KREMEN1: variants seen among roughly 807,000 people sequenced by gnomAD.
KREMEN1 encodes kremen protein 1.
KREMEN1 carries 30 observed loss-of-function variants against 46.5 expected under a neutral mutation model. The ratio of observed to expected loss-of-function variants is 0.65; its 90% CI spans 0.48 to 0.88. KREMEN1 has a LOEUF of 0.88. KREMEN1 is among the 40% of genes least tolerant of loss of function. KREMEN1 has a pLI of 0.00. For synonymous variants in KREMEN1, 214 were observed against 230.6 expected, an observed-to-expected ratio of 0.93 and a Z score of 0.65; for missense variants, 533 against 596.9, an observed-to-expected ratio of 0.89 and a Z score of 1.11.
downstream of KREMEN1, among the ~76,000 whole-genome samples, chr22:29,147,968 G>A (rs2145864711): frequency 6.6e-6 from 1 of 152,328 alleles, no homozygotes; most frequent in East Asian, 1.9e-4. Context: ...ATTATTACCT[G>A]CAGTATGTTT....
chr22:29,150,447 G>C (rs535121080), downstream of KREMEN1, among the ~76,000 whole-genome samples: 3 of 152,226 alleles, frequency 2.0e-5, no homozygotes, highest in Admixed American at 1.3e-4. Context: ...TAACCCCTCC[G>C]GGAGAAACAC....
chr22:29,086,057 C>G (rs1452490587), intron 1 of KREMEN1, among the ~76,000 whole-genome samples: 2 of 145,590 alleles, frequency 1.4e-5, no homozygotes, highest in Non-Finnish European at 3.0e-5. Flanking sequence ...ATAATTCTTA[C>G]TTCCATTAGA....
chr22:29,112,584 A>G lies in KREMEN1; in HGVS notation c.353-8773A>G, dbSNP rs16987108. Among the ~76,000 whole-genome samples the G allele has an allele frequency of 0.016, 2,506 of 152,314 alleles. 161 individuals carry two copies. The South Asian group carries it at 0.18, about 11-fold the overall frequency. ...GGACCTTCTCTCTTTAACTCCTCCA[A>G]AATTTTTATCTTCAACATCTGAATA... On this transcript the variant is annotated intron_variant, in intron 3 of 8. Coordinates refer to ENST00000400335, the MANE Select transcript of KREMEN1 (RefSeq NM_001039570.3).
chr22:29,082,285 G>A (rs1236372597), intron 1 of KREMEN1, among the ~76,000 whole-genome samples: 1 of 152,058 alleles, frequency 6.6e-6, no homozygotes, highest in Non-Finnish European at 1.5e-5. Flanking sequence ...TGGCACTCCT[G>A]GCCTCAAGTA....
rs150083067 is a variant in KREMEN1, at chr22:29,162,438, C to T, written c.1417-4606C>T. On this transcript the variant is annotated intron_variant, in intron 9 of 9. Transcript: ENST00000327813. ...TTGGAACAAGAAAAGCAATGCCGGC[C>T]GGGCACAGTGGCTCACACCTATAAT... is the stretch of plus-strand genomic sequence containing the variant. Among the ~76,000 whole-genome samples the T allele has an allele frequency of 8.9e-3, 1,352 of 152,198 alleles. 25 individuals carry two copies. Among genetic ancestry groups the T allele is most frequent in the African/African-American group, 0.031 (1,292 of 41,534 alleles).
intron 9 of KREMEN1, among the ~76,000 whole-genome samples, chr22:29,161,274 A>G (rs893535064): frequency 2.9e-4 from 44 of 151,562 alleles, no homozygotes; most frequent in African/African-American, 5.3e-4. Context: ...TTGGGGGGCC[A>G]AGGTGGGCAG....
At chr22:29,104,055 A>T (rs2038012790) in intron 3 of KREMEN1, among the ~76,000 whole-genome samples, 1 of 152,092 alleles carries the variant, frequency 6.6e-6, no homozygotes, top group African/African-American at 2.4e-5. Context: ...GAATAATAAA[A>T]ATTTAAAATT....
chr22:29,131,638 A>G (rs536275249), intron 5 of KREMEN1, among the ~76,000 whole-genome samples: 19 of 125,766 alleles, frequency 1.5e-4, no homozygotes, highest in South Asian at 5.6e-4. Flanking sequence ...ATGTATATAT[A>G]TGTGTGTATA....
intron 3 of KREMEN1, among the ~76,000 whole-genome samples, chr22:29,119,424 C>T (rs1240651890): frequency 6.6e-6 from 1 of 152,194 alleles, no homozygotes; most frequent in East Asian, 1.9e-4. Context: ...TAGACTCTCT[C>T]CTCTCCCTGG....
chr22:29,138,939 G>A, intron 7 of KREMEN1, 157 bp downstream of exon 7: 2 of 1,109,924 alleles, frequency 1.8e-6, no homozygotes, highest in Non-Finnish European at 1.3e-6. Flanking sequence ...GGCTTTTGAG[G>A]GAAATTTTCT....
rs530946572 is a variant in KREMEN1, at chr22:29,138,828, T to G, written c.1123+46T>G. The stretch of plus-strand genomic sequence containing the variant: ...CCCATGGGGGCTGGAAGCCACAGAG[T>G]TGAAGGTAGCGCTCTTGACAGTTAT... On this transcript the variant is annotated intron_variant, in intron 7 of 8. Transcript: ENST00000400335. 3.7e-6 allele frequency: 6 copies of G among 1,613,954 alleles called. No individual in the cohort carries two copies. In the South Asian group the frequency reaches 5.5e-5, roughly 15 times the overall value.
intron 8 of KREMEN1, among the ~76,000 whole-genome samples, chr22:29,141,520 G>A (rs976157247): frequency 5.3e-5 from 8 of 152,254 alleles, no homozygotes; most frequent in African/African-American, 1.7e-4. Flanking sequence ...GCTGAACAGA[G>A]TCCGGGCCAG....
intron 1 of KREMEN1, among the ~76,000 whole-genome samples, chr22:29,085,108 G>C (rs1270401081): frequency 6.6e-6 from 1 of 152,096 alleles, no homozygotes; most frequent in Non-Finnish European, 1.5e-5. Context: ...ATTTTAGATG[G>C]CTAACTTTAT....
chr22:29,165,424 G>A (rs1312724975), intron 9 of KREMEN1, among the ~76,000 whole-genome samples: 1 of 151,780 alleles, frequency 6.6e-6, no homozygotes. Context: ...AAGTAGTTCA[G>A]AAATCATACT....
At chr22:29,081,062 A>G (rs1045922848) in intron 1 of KREMEN1, among the ~76,000 whole-genome samples, 1 of 148,758 alleles carries the variant, frequency 6.7e-6, no homozygotes, top group Non-Finnish European at 1.5e-5. Context: ...ATATGTATAC[A>G]TGTGCCATGT....
intron 3 of KREMEN1, among the ~76,000 whole-genome samples, chr22:29,119,418 C>T (rs1465870554): frequency 6.6e-6 from 1 of 152,192 alleles, no homozygotes; most frequent in Non-Finnish European, 1.5e-5. Context: ...AATTTCTAGA[C>T]TCTCTCCTCT....
At chr22:29,150,549 G>A (rs2038907326), downstream of KREMEN1, among the ~76,000 whole-genome samples, 2 of 152,142 alleles carry the variant, frequency 1.3e-5, no homozygotes, top group African/African-American at 4.8e-5. Context: ...GTTCAAATGA[G>A]GTCACTGAAC....
chr22:29,137,584 C>T lies in KREMEN1; in HGVS notation c.874C>T (p.Leu292=). 1 of 1,613,562 alleles carries T rather than the reference C, an allele frequency of 6.2e-7. No homozygotes were observed. The highest frequency in any genetic ancestry group is 1.1e-5 in the South Asian group (1 of 91,064). Residue 292 remains leucine (L), a synonymous_variant, in exon 6 of 9, where the codon CTG becomes TTG. Transcript: ENST00000400335. ...ARFHGRSRPP[L]SFNVSLDFVI... is the part of the protein sequence containing the mutation. ...CTTCCACGGGAGGAGCCGCCCACCT[C>T]TGTCCTTCAACGTCTCTCTGGACTT...
rs1601769778 is a variant in KREMEN1 at position 29,101,830 on chromosome 22, C to T, written c.352+2877C>T. 2.0e-5 allele frequency among the ~76,000 whole-genome samples: 3 copies of T among 152,264 alleles called. No homozygotes were observed. In the East Asian group the frequency reaches 5.8e-4, roughly 29 times the overall value. The stretch of plus-strand genomic sequence containing the variant: ...GCAAGTGCACTCTATGATGGTCACA[C>T]AACAACAAAATTATATGACAATGCA... On this transcript the variant is annotated intron_variant, in intron 3 of 8. Transcript: ENST00000400335.
Sources: gnomAD v4.1 joint callset for allele counts (sites outside exome capture counted in the v4.1 genomes callset) on GRCh38, gnomAD v4.1.1 for gene constraint, MANE v1.5 for transcripts, NCBI Gene and HGNC (gene_info 2026-07-23, HGNC 2026-07-21) for gene names.